The following PDCD2 variants were observed in gnomAD, a reference collection of about 807,000 sequenced individuals.
PDCD2 encodes the protein uS5 assembly chaperone PDCD2.
PDCD2 carries 38 observed loss-of-function variants against 38.1 expected under a neutral mutation model. The observed-to-expected ratio is 1.00, with a 90% CI of 0.77 to 1.31. The LOEUF (loss-of-function observed/expected upper bound fraction) is 1.31. PDCD2 is among the 50% of genes most tolerant of loss of function. PDCD2 has a pLI of 0.00. For missense variants in PDCD2, 473 were observed against 435.7 expected (o/e 1.09, Z -0.76); for synonymous variants, 205 against 168.9 (o/e 1.21, Z -1.66).
chr6:170,579,256 T>G (rs1323989033), intron 4 of PDCD2: 5 of 332,688 alleles, frequency 1.5e-5, no homozygotes, highest in African/African-American at 2.3e-5. Context: ...ATGAATATAT[T>G]GTGAAGGGAC....
chr6:170,583,117 C>T lies in PDCD2; in HGVS notation c.598G>A (p.Asp200Asn), dbSNP rs757772974. The T allele has an allele frequency of 3.1e-6, 5 of 1,612,216 alleles. No homozygotes were observed. Among genetic ancestry groups the T allele is most frequent in the African/African-American group, 2.7e-5 (2 of 74,026 alleles). The change falls in exon 3 of 6, where the codon GAT becomes AAT. Residue 200 changes from aspartate to asparagine, a missense_variant. By Grantham distance (23) the Asp-to-Asn change is conservative (BLOSUM62 1). Transcript: ENST00000541970. Reference protein sequence around the residue: ...PEFEIVIETEDEIMPEVVEKE... With the variant: ...PEFEIVIETENEIMPEVVEKE... ...TCCACAACCTCAGGCATAATCTCAT[C>T]TTCTGTTTCTATTACAATTTCAAAT...
In PDCD2 at chr6:170,584,384, C is replaced by T. The variant is rs1379510542; in HGVS notation, c.198G>A (p.Ala66=). The change falls in exon 1 of 6, where the codon GCG becomes GCA. Residue 66 remains alanine (A), a synonymous_variant. Transcript: ENST00000541970. ...AGGCGTCCGGGCGGCCAGGCAGCGGCGCATACACCTGCAGCAGGAAGGAGA... is the reference window on the plus strand; with the variant it reads ...AGGCGTCCGGGCGGCCAGGCAGCGGTGCATACACCTGCAGCAGGAAGGAGA... ...RPLSFLLQVY[A]PLPGRPDAFH... 1 of 1,476,976 alleles carries T rather than the reference C, an allele frequency of 6.8e-7. No homozygotes were observed. The highest frequency in any genetic ancestry group is 8.9e-7 in the Non-Finnish European group (1 of 1,118,516). 91.5% of individuals were successfully genotyped at this position (1,476,976 alleles called of 1,614,324 possible). A position where few individuals can be genotyped will look rare whatever the true frequency, so the allele number is the denominator to read the frequency against.
chr6:170,583,689 C>T lies in PDCD2; in HGVS notation c.342G>A (p.Glu114=). The change falls in exon 2 of 6, where the codon GAG becomes GAA. Residue 114 remains glutamate (E), a synonymous_variant. Coordinates refer to ENST00000541970, the MANE Select transcript of PDCD2 (RefSeq NM_002598.4). ...ATTCTCCTGTTTCTGGGGGAGGATTCTCAGAAGGTGGCTCATATGAGTAAA... is the reference window on the plus strand; with the variant it reads ...ATTCTCCTGTTTCTGGGGGAGGATTTTCAGAAGGTGGCTCATATGAGTAAA... ...NDFYSYEPPS[E]NPPPETGESV... 1 of 1,613,850 alleles carries T rather than the reference C, an allele frequency of 6.2e-7. No homozygotes were observed. Among genetic ancestry groups the T allele is most frequent in the Non-Finnish European group, 8.5e-7 (1 of 1,179,780 alleles).
Position 170,584,588 on chromosome 6 carries a change from C to T in PDCD2, c.-7G>A, listed in dbSNP as rs989623371. ...TGGCCCCGGCGGCAGCCATGCGGGG[C>T]GCGGGCTGGCGTGGGGCGCAGCCCA... On this transcript the variant is annotated 5_prime_UTR_variant, in exon 1 of 6. Coordinates refer to ENST00000541970, the MANE Select transcript of PDCD2 (RefSeq NM_002598.4). 3.0e-5 allele frequency: 38 copies of T among 1,259,452 alleles called. No homozygotes were observed. Among genetic ancestry groups the T allele is most frequent in the Non-Finnish European group, 3.3e-5 (33 of 1,003,222 alleles). 78.0% of individuals were successfully genotyped at this position (1,259,452 alleles called of 1,614,324 possible).
In PDCD2 at chr6:170,580,035, C is replaced by G; in HGVS notation, c.729G>C (p.Lys243Asn). ...HESREDKIFQ[K>N]FKTQIALEPE... The stretch of plus-strand genomic sequence containing the variant: ...GTTCAAGGGCTATCTGAGTTTTAAA[C>G]TTCTGAAAAATTTTATCTTCCCTGG... Residue 243 changes from lysine (K) to asparagine (N), a missense_variant, in exon 4 of 6, where the codon AAG becomes AAC. By Grantham distance (94) the Lys-to-Asn change is moderately conservative. Transcript: ENST00000541970. 3 of 1,609,864 alleles carry G rather than the reference C, an allele frequency of 1.9e-6. No individual in the cohort carries two copies. The highest frequency in any genetic ancestry group is 1.7e-6 in the Non-Finnish European group (2 of 1,176,284).
chr6:170,575,619 G>A lies in PDCD2; in HGVS notation c.*1940C>T, dbSNP rs1380332031. The A allele has an allele frequency of 6.6e-6, 1 of 152,170 alleles. No individual in the cohort carries two copies. Among genetic ancestry groups the A allele is most frequent in the Non-Finnish European group, 1.5e-5 (1 of 68,038 alleles). The allele number at this position is 152,170 out of a possible 1,614,324, so 9.4% of individuals were successfully genotyped here. ...TTTTTTAATTTAAATTTTTTATGTT[G>A]TACAGTTTATTTTAAATATAGTTGC... On this transcript the variant is annotated 3_prime_UTR_variant, in exon 6 of 6. Coordinates refer to ENST00000541970, the MANE Select transcript of PDCD2 (RefSeq NM_002598.4).
chr6:170,577,298 C>A lies in PDCD2; in HGVS notation c.*261G>T. ...CAAGAATAGGATCATACCATGAATA[C>A]CACCTATAATGGTATGTCTGTTGTC... On this transcript the variant is annotated 3_prime_UTR_variant, in exon 6 of 6. Transcript: ENST00000541970. 1 of 334,550 alleles carries A rather than the reference C, an allele frequency of 3.0e-6. No individual in the cohort carries two copies. Among genetic ancestry groups the A allele is most frequent in the Non-Finnish European group, 5.5e-6 (1 of 180,856 alleles). The allele number at this position is 334,550 out of a possible 1,614,324, so 20.7% of individuals were successfully genotyped here.
At position 170,577,292 on chromosome 6, in the gene PDCD2, T is replaced by C. The variant is rs1779471669; in HGVS notation, c.*267A>G. 1.2e-5 allele frequency: 4 copies of C among 323,558 alleles called. No homozygotes were observed. Among genetic ancestry groups the C allele is most frequent in the Admixed American group, 4.3e-5 (1 of 23,126 alleles). 20.0% of individuals were successfully genotyped at this position (323,558 alleles called of 1,614,324 possible). Reference sequence around the variant, plus strand: ...TTTTTACAAGAATAGGATCATACCATGAATACCACCTATAATGGTATGTCT... The same window carrying C: ...TTTTTACAAGAATAGGATCATACCACGAATACCACCTATAATGGTATGTCT... On this transcript the variant is annotated 3_prime_UTR_variant, in exon 6 of 6. Transcript: ENST00000541970.
At chr6:170,578,454 C>G (rs191628841) in intron 5 of PDCD2, 2 of 567,186 alleles carry the variant, frequency 3.5e-6, no homozygotes, top group Admixed American at 3.4e-5. Flanking sequence ...ATCCACAAAC[C>G]AAGATTAAAC....
chr6:170,584,507 C>G lies in PDCD2; in HGVS notation c.75G>C (p.Glu25Asp). 1 of 1,363,790 alleles carries G rather than the reference C, an allele frequency of 7.3e-7. No individual in the cohort carries two copies. Among genetic ancestry groups the G allele is most frequent in the Non-Finnish European group, 9.4e-7 (1 of 1,060,836 alleles). The allele number at this position is 1,363,790 out of a possible 1,614,324, so 84.5% of individuals were successfully genotyped here. A position where few individuals can be genotyped will look rare whatever the true frequency, so the allele number is the denominator to read the frequency against. Reference sequence around the variant, plus strand: ...GCCCGCCCACCTTGCTGGGGAACTGCTCGCTGCGCAGTCGCCACGCCGGCG... The same window carrying G: ...GCCCGCCCACCTTGCTGGGGAACTGGTCGCTGCGCAGTCGCCACGCCGGCG... ...ESAPAWRLRS[E>D]QFPSKVGGRP... Residue 25 changes from glutamate to aspartate, a missense_variant, in exon 1 of 6, where the codon GAG becomes GAC. Transcript: ENST00000541970.
chr6:170,577,803 T>TG (rs1271181975), intron 5 of PDCD2, 86 bp from the exon 6 acceptor site: 2 of 1,282,920 alleles, frequency 1.6e-6, no homozygotes, highest in Non-Finnish European at 2.2e-6. Flanking sequence ...ATAGGGATCT[T>TG]GGTCTTTCAA....
In PDCD2 at chr6:170,577,561, A is replaced by G. The variant is rs769654228; in HGVS notation, c.1033T>C (p.Ter345GlnextTer38). 1.9e-6 allele frequency: 3 copies of G among 1,613,362 alleles called. No individual in the cohort carries two copies. Among genetic ancestry groups the G allele is most frequent in the Non-Finnish European group, 2.5e-6 (3 of 1,179,458 alleles). The change falls in exon 6 of 6, where the codon TAA becomes CAA. Residue 345 changes from the stop codon to glutamine, a stop_lost. Transcript: ENST00000541970. The part of the protein sequence containing the change: ...VWKQDVTDTP[*>Q] ...TTTTTCAAGGCTTTAAGATGCCTTTACGGTGTATCTGTTACATCCTGCTTC... is the reference window on the plus strand; with the variant it reads ...TTTTTCAAGGCTTTAAGATGCCTTTGCGGTGTATCTGTTACATCCTGCTTC...
chr6:170,583,354 GC>G, intron 2 of PDCD2, 150 bp downstream of exon 2: 1 of 921,716 alleles, frequency 1.1e-6, no homozygotes, highest in South Asian at 1.8e-5. Context: ...AGACTTCACA[GC>G]CTTTTTTTTT....
chr6:170,584,311 C>T lies in PDCD2; in HGVS notation c.271G>A (p.Ala91Thr), dbSNP rs1779734677. 1.3e-6 allele frequency: 2 copies of T among 1,484,216 alleles called. No individual in the cohort carries two copies. Among genetic ancestry groups the T allele is most frequent in the South Asian group, 2.6e-5 (2 of 76,380 alleles). The allele number at this position is 1,484,216 out of a possible 1,614,324, so 91.9% of individuals were successfully genotyped here. Reference protein sequence around the residue: ...LFCCREQPCCAGLRVFRNQLP... With the variant: ...LFCCREQPCCTGLRVFRNQLP... ...TTTGGCGGCTCACCTCGCAGGCCGG[C>T]ACAGCACGGCTGCTCGCGGCAGCAG... The change falls in exon 1 of 6, where the codon GCC (alanine) becomes ACC (threonine). Residue 91 changes from alanine (A) to threonine (T), a missense_variant. Physicochemically the swap from Ala to Thr is moderately conservative, Grantham distance 58. Coordinates refer to ENST00000541970, the MANE Select transcript of PDCD2 (RefSeq NM_002598.4).
rs568700501 is a variant in PDCD2, at chr6:170,578,012, A to C, written c.877-295T>G. ...AAGGGCTGAGGCTTCTATTTGGGCAACTTTTACTTTGTATCATTGCAGATG... is the reference window on the plus strand; with the variant it reads ...AAGGGCTGAGGCTTCTATTTGGGCACCTTTTACTTTGTATCATTGCAGATG... On this transcript the variant is annotated intron_variant, in intron 5 of 5. Coordinates refer to ENST00000541970, the MANE Select transcript of PDCD2 (RefSeq NM_002598.4). 4.6e-5 allele frequency among the ~76,000 whole-genome samples: 7 copies of C among 152,292 alleles called. No homozygotes were observed. In the East Asian group the frequency reaches 1.3e-3, roughly 29 times the overall value.
chr6:170,583,372 C>T lies in PDCD2; in HGVS notation c.526+133G>A, dbSNP rs555134584. The T allele has an allele frequency of 2.1e-3, 2,007 of 934,412 alleles. 6 individuals carry two copies. Among genetic ancestry groups the T allele is most frequent in the South Asian group, 5.8e-3 (293 of 50,614 alleles). 57.9% of individuals were successfully genotyped at this position (934,412 alleles called of 1,614,324 possible). A position where few individuals can be genotyped will look rare whatever the true frequency, so the allele number is the denominator to read the frequency against. Reference sequence around the variant, plus strand: ...CTTCACAGCCTTTTTTTTTTTTTTACAAAGGTGTTCCAGGCATGAAAAATT... The same window carrying T: ...CTTCACAGCCTTTTTTTTTTTTTTATAAAGGTGTTCCAGGCATGAAAAATT... On this transcript the variant is annotated intron_variant, in intron 2 of 5. Coordinates refer to ENST00000541970, the MANE Select transcript of PDCD2 (RefSeq NM_002598.4).
At chr6:170,579,972 C>G (rs1779548456) in intron 4 of PDCD2, 30 bp downstream of exon 4, 1 of 1,090,206 alleles carries the variant, frequency 9.2e-7, no homozygotes, top group Non-Finnish European at 1.4e-6. Context: ...CTGAAGAGAA[C>G]ACGATGAGGA....
rs1454223707 is a variant in PDCD2 at position 170,577,154 on chromosome 6, T to C, written c.*405A>G. 6.4e-6 allele frequency: 1 copy of C among 155,088 alleles called. No individual in the cohort carries two copies. The highest frequency in any genetic ancestry group is 1.9e-4 in the East Asian group (1 of 5,346). The allele number at this position is 155,088 out of a possible 1,614,324, so 9.6% of individuals were successfully genotyped here. A position where few individuals can be genotyped will look rare whatever the true frequency, so the allele number is the denominator to read the frequency against. On this transcript the variant is annotated 3_prime_UTR_variant, in exon 6 of 6. Transcript: ENST00000541970. ...TTAGGCATATAACCCATTTTTATTATAAAAAGAAATGCACATATAAGTAAA... is the reference window on the plus strand; with the variant it reads ...TTAGGCATATAACCCATTTTTATTACAAAAAGAAATGCACATATAAGTAAA...
intron 3 of PDCD2, chr6:170,581,623 T>C (rs1779599438): frequency 6.4e-6 from 1 of 157,398 alleles, no homozygotes; most frequent in Admixed American, 6.0e-5. Context: ...AAATGGTACG[T>C]AGACACAATC....
Sources: gnomAD v4.1 joint callset for allele counts (sites outside exome capture counted in the v4.1 genomes callset) on GRCh38, gnomAD v4.1.1 for gene constraint, MANE v1.5 for transcripts, NCBI Gene and HGNC (gene_info 2026-07-23, HGNC 2026-07-21) for gene names.